Variants in PLCL2 observed in about 807,000 individuals in gnomAD.
The protein encoded by PLCL2 is inactive phospholipase C-like protein 2.
Under a neutral mutation model 79.6 loss-of-function variants are expected in PLCL2, and 4 were observed. That is an observed-to-expected ratio of 0.05 (90% CI 0.02 to 0.11). The LOEUF is 0.11. Ranked by LOEUF, PLCL2 falls within the 10% of genes least tolerant of loss-of-function variation. PLCL2 has a pLI of 1.00. For synonymous variants in PLCL2, 484 were observed against 457.7 expected (o/e 1.06, Z -0.73); for missense variants, 895 against 1,291.0 (o/e 0.69, Z 4.70).
intron 1 of PLCL2, among the ~76,000 whole-genome samples, chr3:16,955,657 T>A (rs1453399982): frequency 6.6e-6 from 1 of 152,260 alleles, no homozygotes; most frequent in Non-Finnish European, 1.5e-5. Flanking sequence ...TTCCTACCCA[T>A]GAGCATGGAA....
chr3:17,054,040 T>TTAAATA (rs2064869476), intron 4 of PLCL2, among the ~76,000 whole-genome samples: 1 of 152,188 alleles, frequency 6.6e-6, no homozygotes, highest in Admixed American at 6.5e-5. Flanking sequence ...TGTTTCCCTG[T>TTAAATA]TAAATATAAA....
In PLCL2 at chr3:16,924,433, C is replaced by T. The variant is rs116447543; in HGVS notation, c.327+39067C>T. 6.4e-3 allele frequency among the ~76,000 whole-genome samples: 969 copies of T among 152,222 alleles called. 11 individuals are homozygous for T. The highest frequency in any genetic ancestry group is 0.022 in the African/African-American group (928 of 41,526). ...TCCTCAAACACCTGGGACAAAATAC[C>T]AGAAACAACTCTAGTCTTTGTACTT... On this transcript the variant is annotated intron_variant, in intron 1 of 5. Transcript: ENST00000615277.
At chr3:16,976,018 G>A (rs1041311628) in intron 1 of PLCL2, among the ~76,000 whole-genome samples, 1 of 152,166 alleles carries the variant, frequency 6.6e-6, no homozygotes, top group African/African-American at 2.4e-5. Flanking sequence ...GACAGGGAGG[G>A]AAGAGTTCAA....
chr3:16,944,103 G>A (rs2063579827), intron 1 of PLCL2, among the ~76,000 whole-genome samples: 1 of 152,170 alleles, frequency 6.6e-6, no homozygotes, highest in Admixed American at 6.5e-5. Flanking sequence ...GTGTGACCTT[G>A]GGAAAATTGT....
At chr3:16,928,613 G>A (rs1193209209) in intron 1 of PLCL2, among the ~76,000 whole-genome samples, 1 of 152,234 alleles carries the variant, frequency 6.6e-6, no homozygotes, top group African/African-American at 2.4e-5. Context: ...GGGCTCTGGA[G>A]CTGAGCTAGA....
chr3:16,905,160 A>T (rs1696722164), intron 1 of PLCL2, among the ~76,000 whole-genome samples: 1 of 152,196 alleles, frequency 6.6e-6, no homozygotes, highest in Non-Finnish European at 1.5e-5. Context: ...CATGACACAG[A>T]CAGCATCAGT....
Position 17,090,234 on chromosome 3 carries a change from T to C in PLCL2, c.*322T>C. On this transcript the variant is annotated 3_prime_UTR_variant, in exon 6 of 6. Transcript: ENST00000615277. ...AACATTTTCCTAAGTGAAAACAATT[T>C]CTTAAGATGGAAATGGATTGGATTG... 9.9e-7 allele frequency: 1 copy of C among 1,005,296 alleles called. No homozygotes were observed. The highest frequency in any genetic ancestry group is 1.2e-6 in the Non-Finnish European group (1 of 841,192). 62.3% of individuals were successfully genotyped at this position (1,005,296 alleles called of 1,614,324 possible).
chr3:16,956,527 G>C (rs568032910), intron 1 of PLCL2, among the ~76,000 whole-genome samples: 1 of 152,272 alleles, frequency 6.6e-6, no homozygotes, highest in South Asian at 2.1e-4. Context: ...TTGGTATCAG[G>C]ATGATGCTGA....
chr3:16,891,047 A>T (rs1696336299), intron 1 of PLCL2, among the ~76,000 whole-genome samples: 1 of 152,232 alleles, frequency 6.6e-6, no homozygotes, highest in Admixed American at 6.5e-5. Context: ...TAATTAGGTG[A>T]ACCATATTTT....
intron 1 of PLCL2, among the ~76,000 whole-genome samples, chr3:16,941,906 A>C (rs954636205): frequency 3.9e-5 from 6 of 151,938 alleles, no homozygotes; most frequent in African/African-American, 1.5e-4. Flanking sequence ...TTGTGATGCT[A>C]TACTGAGATT....
chr3:16,971,168 T>G (rs1393643802), intron 1 of PLCL2, among the ~76,000 whole-genome samples: 1 of 151,238 alleles, frequency 6.6e-6, no homozygotes, highest in African/African-American at 2.4e-5. Flanking sequence ...AATGCCTAGG[T>G]TTTCTTCTAG....
chr3:17,050,479 G>A (rs577812361), intron 4 of PLCL2, among the ~76,000 whole-genome samples: 11 of 152,044 alleles, frequency 7.2e-5, no homozygotes, highest in Admixed American at 2.6e-4. Context: ...TTTTAAAATG[G>A]GCAAAATGTT....
At chr3:17,065,531 C>G (rs1356685577) in intron 4 of PLCL2, among the ~76,000 whole-genome samples, 4 of 152,162 alleles carry the variant, frequency 2.6e-5, no homozygotes, top group Non-Finnish European at 5.9e-5. Context: ...TATACCAGTT[C>G]CTGTCATTGC....
At chr3:16,972,989 A>T (rs2063888840) in intron 1 of PLCL2, among the ~76,000 whole-genome samples, 1 of 152,114 alleles carries the variant, frequency 6.6e-6, no homozygotes, top group Non-Finnish European at 1.5e-5. Context: ...TACATCCAAG[A>T]TTAATATTGA....
chr3:17,074,911 C>G (rs78397421), intron 5 of PLCL2, among the ~76,000 whole-genome samples: 2 of 152,210 alleles, frequency 1.3e-5, no homozygotes, highest in African/African-American at 2.4e-5. Context: ...GGTTTGATCT[C>G]CTATTGAGAC....
At chr3:16,894,409 T>A (rs1200528130) in intron 1 of PLCL2, among the ~76,000 whole-genome samples, 4 of 152,214 alleles carry the variant, frequency 2.6e-5, no homozygotes, top group Non-Finnish European at 5.9e-5. Context: ...CTGGTTTATG[T>A]ATATTTCCAG....
chr3:16,910,285 C>T (rs904653380), intron 1 of PLCL2, among the ~76,000 whole-genome samples: 2 of 152,108 alleles, frequency 1.3e-5, no homozygotes, highest in Non-Finnish European at 2.9e-5. Context: ...CTGCTCCCTT[C>T]AGGTCCTCAC....
At chr3:16,956,983 C>A (rs1423563673) in intron 1 of PLCL2, among the ~76,000 whole-genome samples, 2 of 152,146 alleles carry the variant, frequency 1.3e-5, no homozygotes, top group East Asian at 3.8e-4. Flanking sequence ...AAAACCAGCT[C>A]CTGGATTCAT....
intron 1 of PLCL2, among the ~76,000 whole-genome samples, chr3:16,898,227 G>A (rs1332838055): frequency 6.6e-6 from 1 of 152,060 alleles, no homozygotes; most frequent in Admixed American, 6.5e-5. Context: ...TTGACAGGCA[G>A]TTTTATTTAC....
Sources: allele counts gnomAD v4.1 joint callset (sites outside exome capture counted in the v4.1 genomes callset), GRCh38; gene constraint gnomAD v4.1.1; transcripts MANE v1.5; gene names NCBI Gene and HGNC (gene_info 2026-07-23, HGNC 2026-07-21).